Variants in ZNF469 observed in about 807,000 individuals in gnomAD.
ZNF469 encodes the protein zinc finger protein 469.
In ZNF469, 1 loss-of-function variant was observed where a neutral mutation model predicts 1.0. The observed-to-expected ratio is 1.00, with a 90% confidence interval of 0.35 to 4.73. The LOEUF is 4.73. Among genes scored for constraint, ZNF469 ranks in the 30% most tolerant of loss-of-function variants. The pLI is 0.16. For synonymous variants in ZNF469, 2,703 were observed against 2,363.4 expected (o/e 1.14, Z -4.17); for missense variants, 6,100 against 5,356.3 (o/e 1.14, Z -4.33).
chr16:88,367,632 G>C, the ZNF469 span, among the ~76,000 whole-genome samples: 14 of 152,320 alleles, frequency 9.2e-5, no homozygotes, highest in Admixed American at 2.6e-4. Context: ...AAAGGTGTTT[G>C]TGTGAGTGTT....
chr16:88,236,593 G>A, the ZNF469 span, among the ~76,000 whole-genome samples: 13 of 152,358 alleles, frequency 8.5e-5, no homozygotes, highest in South Asian at 2.1e-3. Context: ...TGGGCTGGGC[G>A]CGGTATCTCA....
At chr16:88,285,538 C>A in the ZNF469 span, among the ~76,000 whole-genome samples, 17 of 152,242 alleles carry the variant, frequency 1.1e-4, no homozygotes, top group Non-Finnish European at 2.4e-4. Flanking sequence ...CGAGGTGAGG[C>A]CTTTCCAGCA....
At chr16:88,130,175 C>T in the ZNF469 span, among the ~76,000 whole-genome samples, 1 of 152,310 alleles carries the variant, frequency 6.6e-6, no homozygotes, top group East Asian at 1.9e-4. Flanking sequence ...TGGCAGCTTG[C>T]AGCATCGGGG....
chr16:88,232,219 C>A, the ZNF469 span, among the ~76,000 whole-genome samples: 1 of 152,256 alleles, frequency 6.6e-6, no homozygotes, highest in East Asian at 1.9e-4. Flanking sequence ...CCTGCCACTT[C>A]TTTCCCAGCC....
the ZNF469 span, among the ~76,000 whole-genome samples, chr16:88,292,437 T>C: frequency 6.6e-6 from 1 of 152,038 alleles, no homozygotes; most frequent in East Asian, 1.9e-4. Flanking sequence ...CATCTATGAA[T>C]TGAGACTGAT....
At position 88,431,714 on chromosome 16, in the gene ZNF469, T is replaced by C. The variant is rs1255652842; in HGVS notation, c.4244T>C (p.Leu1415Pro). The C allele has an allele frequency of 1.9e-6, 3 of 1,550,196 alleles. No homozygotes were observed. The highest frequency in any genetic ancestry group is 2.6e-6 in the Non-Finnish European group (3 of 1,146,976). ...GCCCCGCCGGCCAGCAGCTCCTGCCTTTGCCAGGACGGCGAGGATGCCGGT... is the reference window on the plus strand; with the variant it reads ...GCCCCGCCGGCCAGCAGCTCCTGCCCTTGCCAGGACGGCGAGGATGCCGGT... ...RDAPPASSSCLCQDGEDAGSL... is the reference protein window; with the variant it reads ...RDAPPASSSCPCQDGEDAGSL... The change falls in exon 3 of 3, where the codon CTT becomes CCT. Residue 1415 changes from leucine to proline, a missense_variant. Physicochemically the swap from Leu to Pro is moderately conservative, Grantham distance 98 (BLOSUM62 -3). Coordinates refer to ENST00000565624, the MANE Select transcript of ZNF469 (RefSeq NM_001367624.2).
the ZNF469 span, among the ~76,000 whole-genome samples, chr16:88,363,408 G>A: frequency 6.6e-6 from 1 of 152,232 alleles, no homozygotes; most frequent in East Asian, 1.9e-4. Flanking sequence ...TAAACTCAAA[G>A]TGAAAGAAAA....
the ZNF469 span, among the ~76,000 whole-genome samples, chr16:88,126,800 T>C: frequency 1 from 150,138 of 150,786 alleles, 74,747 homozygotes; most frequent in Middle Eastern, 1. Flanking sequence ...ATTATAGGCA[T>C]GCACCACCAT....
the ZNF469 span, among the ~76,000 whole-genome samples, chr16:88,278,637 G>A: frequency 5.7e-4 from 67 of 116,740 alleles, 8 homozygotes; most frequent in South Asian, 6.6e-3. Context: ...ATCAGTGCAC[G>A]GTTAGTGCTG....
At chr16:88,355,625 G>C in the ZNF469 span, among the ~76,000 whole-genome samples, 49 of 152,340 alleles carry the variant, frequency 3.2e-4, no homozygotes, top group African/African-American at 1.2e-3. Context: ...ACAGGCAGCA[G>C]TCTGCTCTGT....
chr16:88,429,868 G>T lies in ZNF469; in HGVS notation c.2398G>T (p.Ala800Ser). ...CAGCCACGCGAAGACCTTCCTGTTA[G>T]CTGGGGACGCCCAGGCCGAGGGCAA... Reference protein sequence around the residue: ...LLSHAKTFLLAGDAQAEGKDD... With the variant: ...LLSHAKTFLLSGDAQAEGKDD... The change falls in exon 3 of 3, where the codon GCT becomes TCT. Residue 800 changes from alanine to serine, a missense_variant. By Grantham distance (99) the Ala-to-Ser change is moderately conservative (BLOSUM62 1). Coordinates refer to ENST00000565624, the MANE Select transcript of ZNF469 (RefSeq NM_001367624.2). The T allele has an allele frequency of 5.8e-6, 9 of 1,550,048 alleles. No individual in the cohort carries two copies. Among genetic ancestry groups the T allele is most frequent in the Non-Finnish European group, 7.8e-6 (9 of 1,146,838 alleles).
chr16:88,118,922 G>A, the ZNF469 span, among the ~76,000 whole-genome samples: 1 of 152,332 alleles, frequency 6.6e-6, no homozygotes, highest in Non-Finnish European at 1.5e-5. Context: ...GCATTCCACG[G>A]AGATGCAGTT....
the ZNF469 span, among the ~76,000 whole-genome samples, chr16:88,332,705 G>T: frequency 4.9e-4 from 74 of 152,210 alleles, no homozygotes; most frequent in African/African-American, 1.8e-3. Context: ...GGTTGAGATG[G>T]GCAGGATGGG....
the ZNF469 span, among the ~76,000 whole-genome samples, chr16:88,365,989 A>C: frequency 8.5e-5 from 13 of 152,182 alleles, no homozygotes; most frequent in Non-Finnish European, 1.2e-4. Flanking sequence ...GTGTTCCCCC[A>C]CAGTCTACTA....
the ZNF469 span, among the ~76,000 whole-genome samples, chr16:88,189,372 G>A: frequency 7.2e-5 from 11 of 152,278 alleles, no homozygotes; most frequent in African/African-American, 2.6e-4. The surrounding 1 kb of genome is among the most constrained non-coding windows in gnomAD (Gnocchi z 4.3). Flanking sequence ...CTCTGATGGG[G>A]GGATGTGATG....
the ZNF469 span, among the ~76,000 whole-genome samples, chr16:88,201,154 C>G: frequency 6.6e-6 from 1 of 152,364 alleles, no homozygotes; most frequent in Admixed American, 6.5e-5. This position sits in a 1 kb window ranked among gnomAD's most constrained non-coding sequence, Gnocchi z 5.0. Flanking sequence ...GTTTACCTGT[C>G]CGGACCAGGG....
At chr16:88,412,459 G>A (rs1365788108) in intron 1 of ZNF469, among the ~76,000 whole-genome samples, 1 of 152,232 alleles carries the variant, frequency 6.6e-6, no homozygotes, top group South Asian at 2.1e-4. Flanking sequence ...CTGCATCGGA[G>A]TTCATGAGGT....
chr16:88,326,574 G>T, the ZNF469 span, among the ~76,000 whole-genome samples: 254 of 152,282 alleles, frequency 1.7e-3, 1 homozygote, highest in African/African-American at 6.0e-3. Context: ...ACACTGCTGG[G>T]CAGGACACCG....
At chr16:88,197,107 T>C in the ZNF469 span, among the ~76,000 whole-genome samples, 1 of 152,162 alleles carries the variant, frequency 6.6e-6, no homozygotes, top group Admixed American at 6.5e-5. Context: ...ATAGATCTAA[T>C]CTTGGACTTC....
Sources: allele counts gnomAD v4.1 joint callset (sites outside exome capture counted in the v4.1 genomes callset), GRCh38; gene constraint gnomAD v4.1.1; non-coding constraint Gnocchi (gnomAD v3.1); transcripts MANE v1.5; gene names NCBI Gene and HGNC (gene_info 2026-07-23, HGNC 2026-07-21).